Variants in TBC1D16 observed in about 807,000 individuals in gnomAD.
TBC1D16 encodes the protein TBC1 domain family member 16.
A neutral mutation model predicts 74.7 loss-of-function variants in TBC1D16; 58 were observed. The ratio of observed to expected loss-of-function variants is 0.78; its 90% confidence interval spans 0.63 to 0.97. TBC1D16 has a LOEUF of 0.97. Among genes scored for constraint, TBC1D16 ranks in the 50% least tolerant of loss-of-function variants. TBC1D16 has a pLI of 0.00. For missense variants in TBC1D16, 1,014 were observed against 1,079.5 expected, an observed-to-expected ratio of 0.94 and a Z score of 0.85; for synonymous variants, 493 against 474.7, an observed-to-expected ratio of 1.04 and a Z score of -0.50.
At position 79,940,858 on chromosome 17, in the gene TBC1D16, C is replaced by A. The variant is rs534526454; in HGVS notation, c.*1G>T. ...CCCCTGTCCGGTGTCGGGGGCCCGA[C>A]CTATCTGCGGAAGCCGAAGCCGTCC... is the stretch of plus-strand genomic sequence containing the variant. On this transcript the variant is annotated 3_prime_UTR_variant, in exon 12 of 12. Transcript: ENST00000310924. The surrounding 1 kb of genome is among the most constrained non-coding windows in gnomAD (Gnocchi z 5.4). The A allele has an allele frequency of 1.3e-6, 2 of 1,537,326 alleles. No individual in the cohort carries two copies. The highest frequency in any genetic ancestry group is 1.8e-6 in the Non-Finnish European group (2 of 1,134,758).
intron 3 of TBC1D16, among the ~76,000 whole-genome samples, chr17:79,974,271 A>C (rs1007657381): frequency 3.3e-5 from 5 of 151,834 alleles, no homozygotes; most frequent in Non-Finnish European, 5.9e-5. Flanking sequence ...ACGGAGTCTC[A>C]TCTGTTGCCC....
chr17:79,998,050 A>T (rs1422601669), intron 3 of TBC1D16, among the ~76,000 whole-genome samples: 1 of 147,630 alleles, frequency 6.8e-6, no homozygotes, highest in East Asian at 2.1e-4. Flanking sequence ...GCTTGAACCC[A>T]GGAGGTGGAG....
At chr17:79,942,533 G>C (rs1335579729) in intron 10 of TBC1D16, among the ~76,000 whole-genome samples, 1 of 146,002 alleles carries the variant, frequency 6.8e-6, no homozygotes, top group Non-Finnish European at 1.5e-5. Flanking sequence ...GGTGGGGGTG[G>C]GGGGGTACAA....
In TBC1D16 at chr17:79,940,512, G is replaced by A. The variant is rs756631462; in HGVS notation, c.*347C>T. 1 of 199,206 alleles carries A rather than the reference G, an allele frequency of 5.0e-6. No individual in the cohort carries two copies. Among genetic ancestry groups the A allele is most frequent in the Non-Finnish European group, 1.0e-5 (1 of 98,914 alleles). 12.3% of individuals were successfully genotyped at this position (199,206 alleles called of 1,614,324 possible). On this transcript the variant is annotated 3_prime_UTR_variant, in exon 12 of 12. Transcript: ENST00000310924. This position sits in a 1 kb window ranked among gnomAD's most constrained non-coding sequence, Gnocchi z 5.4. ...TCTGCTTTCCTCATTGCCTGGCGAC[G>A]CTGTCTGGCTGCCCTCGAGGGTGGA...
intron 1 of TBC1D16, among the ~76,000 whole-genome samples, chr17:80,022,225 A>C (rs988452834): frequency 2.0e-5 from 3 of 149,974 alleles, no homozygotes; most frequent in East Asian, 3.9e-4. Flanking sequence ...CAGTTCATTG[A>C]GTGTTTATGT....
rs540847842 is a variant in TBC1D16 at position 79,987,853 on chromosome 17, C to G, written c.779+22307G>C. Among the ~76,000 whole-genome samples the G allele has an allele frequency of 7.0e-6, 1 of 143,514 alleles. No homozygotes were observed. The highest frequency in any genetic ancestry group is 2.1e-4 in the East Asian group (1 of 4,852). 94.2% of individuals were successfully genotyped at this position (143,514 alleles called of 152,430 possible). On this transcript the variant is annotated intron_variant, in intron 3 of 11. Transcript: ENST00000310924. This position sits in a 1 kb window ranked among gnomAD's most constrained non-coding sequence, Gnocchi z 5.2. ...ATTTCCCATCCTGAAGCTTTTAAAGCAGACAAACACATGAGTGCTGGGTGG... is the reference window on the plus strand; with the variant it reads ...ATTTCCCATCCTGAAGCTTTTAAAGGAGACAAACACATGAGTGCTGGGTGG...
rs917849422 is a variant in TBC1D16 at position 80,007,180 on chromosome 17, G to A, written c.779+2980C>T. 5.3e-5 allele frequency among the ~76,000 whole-genome samples: 8 copies of A among 152,194 alleles called. No homozygotes were observed. The highest frequency in any genetic ancestry group is 1.9e-4 in the African/African-American group (8 of 41,452). On this transcript the variant is annotated intron_variant, in intron 3 of 11. Coordinates refer to ENST00000310924, the MANE Select transcript of TBC1D16 (RefSeq NM_019020.4). The surrounding 1 kb of genome is among the most constrained non-coding windows in gnomAD (Gnocchi z 4.5). Reference sequence around the variant, plus strand: ...AGGCCTGAGGTGCGAGCCACACCGAGCCCGCGGCCATGTGGCCAAGAGGCA... The same window carrying A: ...AGGCCTGAGGTGCGAGCCACACCGAACCCGCGGCCATGTGGCCAAGAGGCA...
intron 3 of TBC1D16, among the ~76,000 whole-genome samples, chr17:79,995,745 C>A (rs960574480): frequency 9.2e-5 from 14 of 151,810 alleles, no homozygotes; most frequent in Admixed American, 2.0e-4. Flanking sequence ...AGATCGCGCC[C>A]CTGCACTCCA....
At position 79,982,512 on chromosome 17, in the gene TBC1D16, G is replaced by A. The variant is rs113150218; in HGVS notation, c.779+27648C>T. Among the ~76,000 whole-genome samples the A allele has an allele frequency of 3.1e-4, 47 of 151,950 alleles. 1 individual carries two copies. The highest frequency in any genetic ancestry group is 6.8e-3 in the Middle Eastern group (2 of 294). ...TGTTCACGTCTGCACACAATACACC[G>A]AACCTGTGTGTGCACGTGTGTACAG... On this transcript the variant is annotated intron_variant, in intron 3 of 11. Transcript: ENST00000310924.
In TBC1D16 at chr17:79,950,923, T is replaced by A. The variant is rs1271979841; in HGVS notation, c.1090-345A>T. The A allele has an allele frequency of 7.5e-7, 1 of 1,334,754 alleles. No homozygotes were observed. Among genetic ancestry groups the A allele is most frequent in the Non-Finnish European group, 1.0e-6 (1 of 999,372 alleles). The allele number at this position is 1,334,754 out of a possible 1,614,324, so 82.7% of individuals were successfully genotyped here. On this transcript the variant is annotated intron_variant, in intron 5 of 11. Transcript: ENST00000310924. The surrounding 1 kb of genome is among the most constrained non-coding windows in gnomAD (Gnocchi z 4.6). ...AATGAATTACATGTGATTGGCCACA[T>A]ACAAAGGGATCGCTGTTCTGCGAGC...
Position 80,024,264 on chromosome 17 carries a change from G to A in TBC1D16, c.-62-10655C>T, listed in dbSNP as rs189026962. 4.1e-4 allele frequency among the ~76,000 whole-genome samples: 20 copies of A among 48,984 alleles called. No homozygotes were observed. In the East Asian group the frequency reaches 7.8e-3, roughly 19 times the overall value. 32.1% of individuals were successfully genotyped at this position (48,984 alleles called of 152,430 possible). Reference sequence around the variant, plus strand: ...ACCCCATGCCTGCTGCTCCCACCCCGGAGGAGTCAGAGGCCGAGAAGCACA... The same window carrying A: ...ACCCCATGCCTGCTGCTCCCACCCCAGAGGAGTCAGAGGCCGAGAAGCACA... On this transcript the variant is annotated intron_variant, in intron 1 of 11. Coordinates refer to ENST00000310924, the MANE Select transcript of TBC1D16 (RefSeq NM_019020.4).
intron 3 of TBC1D16, among the ~76,000 whole-genome samples, chr17:79,982,141 GT>G (rs1223456647): frequency 1.3e-5 from 2 of 148,548 alleles, no homozygotes; most frequent in African/African-American, 2.5e-5. Flanking sequence ...TCTTTGTGTG[GT>G]TTTTTTTTCT....
chr17:79,986,329 C>T lies in TBC1D16; in HGVS notation c.779+23831G>A, dbSNP rs547808310. Among the ~76,000 whole-genome samples, 33 of 152,344 alleles carry T rather than the reference C, an allele frequency of 2.2e-4. No individual in the cohort carries two copies. Among genetic ancestry groups the T allele is most frequent in the African/African-American group, 6.7e-4 (28 of 41,578 alleles). ...CCCAAGGCCACGTTCGCTTCATAAA[C>T]GCAAGGTGATCTCTGAGCACCTCTT... On this transcript the variant is annotated intron_variant, in intron 3 of 11. Coordinates refer to ENST00000310924, the MANE Select transcript of TBC1D16 (RefSeq NM_019020.4). The surrounding 1 kb of genome is among the most constrained non-coding windows in gnomAD (Gnocchi z 6.0).
chr17:79,944,827 CA>C lies in TBC1D16; in HGVS notation c.1908+80del, dbSNP rs2032370471. 7.7e-7 allele frequency: 1 copy of C among 1,299,066 alleles called. No homozygotes were observed. The highest frequency in any genetic ancestry group is 1.5e-5 in the African/African-American group (1 of 66,998). 80.5% of individuals were successfully genotyped at this position (1,299,066 alleles called of 1,614,324 possible). A position where few individuals can be genotyped will look rare whatever the true frequency, so the allele number is the denominator to read the frequency against. On this transcript the variant is annotated intron_variant, in intron 10 of 11. Coordinates refer to ENST00000310924, the MANE Select transcript of TBC1D16 (RefSeq NM_019020.4). This position sits in a 1 kb window ranked among gnomAD's most constrained non-coding sequence, Gnocchi z 7.7. ...TGTGGGTGGGGGGCGGCGAGGCGGACAGGGGCAGCAGGCAGGGTGGCCACGG... is the reference window on the plus strand; with the variant it reads ...TGTGGGTGGGGGGCGGCGAGGCGGACGGGGCAGCAGGCAGGGTGGCCACGG...
chr17:79,973,506 A>G (rs746848437), intron 3 of TBC1D16, among the ~76,000 whole-genome samples: 46 of 152,298 alleles, frequency 3.0e-4, no homozygotes, highest in Non-Finnish European at 5.1e-4. Context: ...TCAGGAGATC[A>G]AGACCATCCT....
In TBC1D16 at chr17:79,944,393, T is replaced by A. The variant is rs11869820; in HGVS notation, c.1908+515A>T. On this transcript the variant is annotated intron_variant, in intron 10 of 11. Coordinates refer to ENST00000310924, the MANE Select transcript of TBC1D16 (RefSeq NM_019020.4). This position sits in a 1 kb window ranked among gnomAD's most constrained non-coding sequence, Gnocchi z 7.7. ...GCCAGTGCTGTGCTCCAAGGGGAATTTGCTGAGAAGATGCTGGTGACGGTG... is the reference window on the plus strand; with the variant it reads ...GCCAGTGCTGTGCTCCAAGGGGAATATGCTGAGAAGATGCTGGTGACGGTG... 6.6e-6 allele frequency among the ~76,000 whole-genome samples: 1 copy of A among 152,192 alleles called. No individual in the cohort carries two copies.
chr17:80,029,172 G>C (rs918206354), intron 1 of TBC1D16, among the ~76,000 whole-genome samples: 6 of 152,170 alleles, frequency 3.9e-5, no homozygotes, highest in African/African-American at 1.2e-4. Context: ...TGGCAGGGGT[G>C]TTAAACTGGT....
chr17:80,013,246 T>C, intron 2 of TBC1D16, 121 bp downstream of exon 2: 1 of 972,148 alleles, frequency 1.0e-6, no homozygotes, highest in Non-Finnish European at 1.5e-6. Context: ...TGCTGTTAGT[T>C]ACACGTTCTG....
Position 79,933,399 on chromosome 17 carries a change from A to G in TBC1D16, c.*7460T>C, listed in dbSNP as rs1156289213. ...AAGCCAGACCTCCCGGGATTCCTTG[A>G]GTTTGGACAAAGGGTGTCCCGACGA... On this transcript the variant is annotated 3_prime_UTR_variant, in exon 12 of 12. Transcript: ENST00000310924. 1 of 152,158 alleles carries G rather than the reference A, an allele frequency of 6.6e-6. No homozygotes were observed. Among genetic ancestry groups the G allele is most frequent in the Non-Finnish European group, 1.5e-5 (1 of 68,048 alleles). The allele number at this position is 152,158 out of a possible 1,614,324, so 9.4% of individuals were successfully genotyped here. A position where few individuals can be genotyped will look rare whatever the true frequency, so the allele number is the denominator to read the frequency against.
Sources: gnomAD v4.1 joint callset for allele counts (sites outside exome capture counted in the v4.1 genomes callset) on GRCh38, gnomAD v4.1.1 for gene constraint, Gnocchi (gnomAD v3.1) non-coding constraint, MANE v1.5 for transcripts, NCBI Gene and HGNC (gene_info 2026-07-23, HGNC 2026-07-21) for gene names.